The following UBAP2 variants were observed in gnomAD, a reference collection of about 807,000 sequenced individuals.
The protein encoded by UBAP2 is ubiquitin-associated protein 2.
Under a neutral mutation model 139.6 loss-of-function variants are expected in UBAP2, and 75 were observed. The observed-to-expected ratio is 0.54, with a 90% confidence interval of 0.45 to 0.65. The LOEUF is 0.65. UBAP2 is among the 30% of genes least tolerant of loss of function. The pLI is 0.00. For synonymous variants in UBAP2, 526 were observed against 526.2 expected, an observed-to-expected ratio of 1.00 and a Z score of 0.01; for missense variants, 1,368 against 1,369.6, an observed-to-expected ratio of 1.00 and a Z score of 0.02.
intron 1 of UBAP2, among the ~76,000 whole-genome samples, chr9:34,021,808 A>G (rs1824968703): frequency 6.6e-6 from 1 of 151,978 alleles, no homozygotes; most frequent in African/African-American, 2.4e-5. Flanking sequence ...TAATTTTTGT[A>G]TTTTTAGTAG....
intron 5 of UBAP2, among the ~76,000 whole-genome samples, chr9:33,987,592 G>C (rs552039436): frequency 6.6e-6 from 1 of 152,260 alleles, no homozygotes; most frequent in East Asian, 1.9e-4. Context: ...CTGGGTGAAA[G>C]AGTGAGACCT....
intron 14 of UBAP2, 77 bp downstream of exon 14, chr9:33,944,288 A>G: frequency 1.9e-6 from 3 of 1,561,288 alleles, no homozygotes. Context: ...CCAGTTTCCA[A>G]AACTTAGTAT....
chr9:33,964,501 A>C lies in UBAP2; in HGVS notation c.680-710T>G, dbSNP rs184378952. Among the ~76,000 whole-genome samples the C allele has an allele frequency of 4.1e-3, 626 of 152,274 alleles. 1 individual carries two copies. Among genetic ancestry groups the C allele is most frequent in the Non-Finnish European group, 6.4e-3 (432 of 68,006 alleles). ...ACACTTGCACAACATTCGGCTTCAA[A>C]GCCATGGAAGCCAGCACAGCTTCCA... On this transcript the variant is annotated intron_variant, in intron 8 of 28. Transcript: ENST00000379238.
intron 1 of UBAP2, among the ~76,000 whole-genome samples, chr9:34,033,741 T>TC (rs1826084078): frequency 6.9e-6 from 1 of 144,804 alleles, no homozygotes; most frequent in African/African-American, 2.5e-5. Context: ...AATCAATTCT[T>TC]TTTTTTTTTT....
chr9:33,960,965 G>A, intron 9 of UBAP2, 87 bp from the exon 10 acceptor site: 1 of 1,341,292 alleles, frequency 7.5e-7, no homozygotes, highest in Non-Finnish European at 1.1e-6. Flanking sequence ...GTACTATGCG[G>A]GGAAAAAAGA....
chr9:33,981,676 T>A (rs2131110157), intron 6 of UBAP2, among the ~76,000 whole-genome samples: 1 of 151,862 alleles, frequency 6.6e-6, no homozygotes, highest in Admixed American at 6.6e-5. Flanking sequence ...TTAAATACAT[T>A]GATATAGAAC....
At chr9:33,955,758 C>T (rs966393331) in intron 11 of UBAP2, among the ~76,000 whole-genome samples, 2 of 148,078 alleles carry the variant, frequency 1.4e-5, no homozygotes, top group African/African-American at 2.5e-5. Context: ...ACCCGAGAGG[C>T]GGAGGTTGCA....
intron 1 of UBAP2, among the ~76,000 whole-genome samples, chr9:34,035,514 A>AAAAAAAAAAAAATATATATATATATATAT: frequency 4.9e-4 from 11 of 22,486 alleles, no homozygotes; most frequent in Admixed American, 1.4e-3. Flanking sequence ...AAAAAAAAAA[A>AAAAAAAAAAAAATATATATATATATATAT]ATATATATAT....
At chr9:34,035,514 A>AAAAATATATATATAT in intron 1 of UBAP2, among the ~76,000 whole-genome samples, 421 of 22,456 alleles carry the variant, frequency 0.019, 39 homozygotes, top group African/African-American at 0.051. Context: ...AAAAAAAAAA[A>AAAAATATATATATAT]ATATATATAT....
chr9:33,990,980 C>T (rs573483172), intron 4 of UBAP2, among the ~76,000 whole-genome samples: 221 of 152,150 alleles, frequency 1.5e-3, no homozygotes, highest in Non-Finnish European at 2.6e-3. Flanking sequence ...TACTTCTAGG[C>T]CCTTATTCAA....
At chr9:33,982,694 C>T (rs922022917) in intron 6 of UBAP2, among the ~76,000 whole-genome samples, 3 of 152,080 alleles carry the variant, frequency 2.0e-5, no homozygotes, top group East Asian at 3.9e-4. Context: ...AGCATACTTG[C>T]GATTAAGAAA....
At chr9:34,028,898 G>A (rs1359327559) in intron 1 of UBAP2, among the ~76,000 whole-genome samples, 4 of 151,980 alleles carry the variant, frequency 2.6e-5, no homozygotes, top group Admixed American at 6.6e-5. Flanking sequence ...GAACTGGGCC[G>A]CACAGCAGGA....
At chr9:33,941,333 G>A (rs1825181199) in intron 16 of UBAP2, among the ~76,000 whole-genome samples, 1 of 152,184 alleles carries the variant, frequency 6.6e-6, no homozygotes, top group Admixed American at 6.5e-5. Flanking sequence ...GGCAATCAGA[G>A]AGAAAGCAGT....
At chr9:34,008,622 A>G (rs889301915) in intron 2 of UBAP2, among the ~76,000 whole-genome samples, 6 of 39,488 alleles carry the variant, frequency 1.5e-4, no homozygotes, top group African/African-American at 1.0e-4. Context: ...TCTGGACTGC[A>G]AAGCGTAAGA....
Position 33,923,990 on chromosome 9 carries a change from T to C in UBAP2, c.2601A>G (p.Thr867=), listed in dbSNP as rs774329490. ...LANNPYPGDV[T]KFGRGDSASP... is the part of the protein sequence containing the mutation. Reference sequence around the variant, plus strand: ...ATGCAGAGTCCCCACGGCCAAACTTTGTGACATCACCTAGGAAAGAGCACT... The same window carrying C: ...ATGCAGAGTCCCCACGGCCAAACTTCGTGACATCACCTAGGAAAGAGCACT... Residue 867 remains threonine, a synonymous_variant, in exon 24 of 29, where the codon ACA becomes ACG. Coordinates refer to ENST00000379238, the MANE Select transcript of UBAP2 (RefSeq NM_001370062.2). 2 of 1,613,730 alleles carry C rather than the reference T, an allele frequency of 1.2e-6. No homozygotes were observed. Among genetic ancestry groups the C allele is most frequent in the South Asian group, 2.2e-5 (2 of 91,052 alleles).
chr9:34,013,749 T>C (rs967181839), intron 2 of UBAP2, among the ~76,000 whole-genome samples: 1 of 151,044 alleles, frequency 6.6e-6, no homozygotes, highest in African/African-American at 2.4e-5. Flanking sequence ...TGGTGATACA[T>C]GCCTGCAATC....
At chr9:33,942,727 CAAA>C (rs544848249) in intron 15 of UBAP2, among the ~76,000 whole-genome samples, 2 of 135,000 alleles carry the variant, frequency 1.5e-5, no homozygotes, top group Admixed American at 7.6e-5. Context: ...GACCCTATCT[CAAA>C]AAAAAAAAAA....
At chr9:33,929,965 T>C (rs891809727) in intron 19 of UBAP2, among the ~76,000 whole-genome samples, 3 of 151,976 alleles carry the variant, frequency 2.0e-5, no homozygotes, top group Non-Finnish European at 2.9e-5. Flanking sequence ...GATCATGCCA[T>C]TGCACTCCAG....
rs1191648557 is a variant in UBAP2, at chr9:33,939,893, GGAGGAGGAGGAGGATGGGGAGGAGAAGA to G, written c.1929+1728_1929+1755del. Reference sequence around the variant, plus strand: ...GGAGGAGGGGAGGAGGAGGAGGAGGGGAGGAGGAGGAGGATGGGGAGGAGAAGAAGAGGAGAAGGAAGAAGAAGAAAGA... The same window carrying G: ...GGAGGAGGGGAGGAGGAGGAGGAGGGAGAGGAGAAGGAAGAAGAAGAAAGA... On this transcript the variant is annotated intron_variant, in intron 16 of 28. Transcript: ENST00000379238. Among the ~76,000 whole-genome samples, 20 of 15,638 alleles carry G rather than the reference GGAGGAGGAGGAGGATGGGGAGGAGAAGA, an allele frequency of 1.3e-3. 1 individual carries two copies. The highest frequency in any genetic ancestry group is 2.0e-3 in the African/African-American group (8 of 3,976). The allele number at this position is 15,638 out of a possible 152,430, so 10.3% of individuals were successfully genotyped here. A position where few individuals can be genotyped will look rare whatever the true frequency, so the allele number is the denominator to read the frequency against.
Sources: gnomAD v4.1 joint callset for allele counts (sites outside exome capture counted in the v4.1 genomes callset) on GRCh38, gnomAD v4.1.1 for gene constraint, MANE v1.5 for transcripts, NCBI Gene and HGNC (gene_info 2026-07-23, HGNC 2026-07-21) for gene names.